The following CCDC171 variants were observed in gnomAD, a reference collection of about 807,000 sequenced individuals.
CCDC171 encodes the protein coiled-coil domain-containing protein 171.
In CCDC171, 177 loss-of-function variants were observed where a neutral mutation model predicts 168.2. The ratio of observed to expected loss-of-function variants is 1.05; its 90% CI spans 0.93 to 1.19. CCDC171 has a LOEUF of 1.19. Ranked by LOEUF, CCDC171 falls within the 50% of genes most tolerant of loss-of-function variation. CCDC171 has a pLI of 0.00. For synonymous variants in CCDC171, 687 were observed against 540.8 expected, an observed-to-expected ratio of 1.27 and a Z score of -3.75; for missense variants, 1,991 against 1,539.0, an observed-to-expected ratio of 1.29 and a Z score of -4.91.
At chr9:15,637,150 G>C (rs1240194455) in intron 7 of CCDC171, among the ~76,000 whole-genome samples, 1 of 152,070 alleles carries the variant, frequency 6.6e-6, no homozygotes, top group Non-Finnish European at 1.5e-5. Flanking sequence ...TAGCTGCTCT[G>C]GAGGCTGAGA....
intron 18 of CCDC171, among the ~76,000 whole-genome samples, chr9:15,750,022 C>G (rs552024955): frequency 7.0e-6 from 1 of 142,952 alleles, no homozygotes; most frequent in Non-Finnish European, 1.5e-5. Flanking sequence ...TAAAAAAAAT[C>G]AGTGAATCCA....
At chr9:15,686,569 G>A (rs1186204619) in intron 10 of CCDC171, among the ~76,000 whole-genome samples, 1 of 151,556 alleles carries the variant, frequency 6.6e-6, no homozygotes, top group Non-Finnish European at 1.5e-5. Flanking sequence ...GCAGAGGATG[G>A]AAAAAATATA....
At chr9:15,948,030 G>T (rs891255128) in intron 25 of CCDC171, among the ~76,000 whole-genome samples, 6 of 148,912 alleles carry the variant, frequency 4.0e-5, no homozygotes, top group Admixed American at 3.4e-4. Context: ...CTGTGTCCAT[G>T]TGTTCTCATT....
chr9:15,848,746 T>G, intron 22 of CCDC171, 147 bp from the exon 23 acceptor site: 2 of 443,882 alleles, frequency 4.5e-6, no homozygotes, highest in Non-Finnish European at 8.0e-6. Flanking sequence ...AAAATCAAAA[T>G]TTAAAAAGTT....
intron 23 of CCDC171, among the ~76,000 whole-genome samples, chr9:15,851,324 T>G (rs945337197): frequency 4.7e-5 from 7 of 149,494 alleles, no homozygotes; most frequent in Non-Finnish European, 1.0e-4. Context: ...AACATATAGT[T>G]TTTTTTCAAA....
At chr9:15,989,374 T>A (rs1466875098) in intron 3 of CCDC171, among the ~76,000 whole-genome samples, 2 of 152,022 alleles carry the variant, frequency 1.3e-5, no homozygotes, top group African/African-American at 4.8e-5. Context: ...GTCCTGACTG[T>A]TAGAAGGAAA....
At chr9:16,106,292 C>T in the CCDC171 span, among the ~76,000 whole-genome samples, 1 of 152,216 alleles carries the variant, frequency 6.6e-6, no homozygotes, top group Admixed American at 6.5e-5. Context: ...CAAAAGGCAG[C>T]TGTCATGGGG....
chr9:15,651,339 C>T (rs753477053), intron 7 of CCDC171, among the ~76,000 whole-genome samples: 2 of 151,904 alleles, frequency 1.3e-5, no homozygotes, highest in Non-Finnish European at 2.9e-5. Context: ...GAACTCCTGA[C>T]CTCAGGTGAT....
the CCDC171 span, among the ~76,000 whole-genome samples, chr9:16,076,630 G>T: frequency 5.3e-5 from 8 of 152,112 alleles, no homozygotes; most frequent in African/African-American, 1.7e-4. Context: ...GCACATCTTC[G>T]TGCTGGGTTT....
chr9:15,799,979 A>G (rs1022562347), intron 21 of CCDC171, among the ~76,000 whole-genome samples: 2 of 151,976 alleles, frequency 1.3e-5, no homozygotes, highest in East Asian at 1.9e-4. Context: ...GCTGCGTAAT[A>G]CTCTATTGTG....
chr9:15,637,507 T>C (rs1351924447), intron 7 of CCDC171, among the ~76,000 whole-genome samples: 13 of 152,096 alleles, frequency 8.5e-5, no homozygotes, highest in South Asian at 8.3e-4. Context: ...TTAGGGTACA[T>C]GTGCACAATA....
At chr9:15,562,396 C>T (rs182447833) in intron 1 of CCDC171, among the ~76,000 whole-genome samples, 8 of 152,174 alleles carry the variant, frequency 5.3e-5, no homozygotes, top group African/African-American at 1.4e-4. Flanking sequence ...TTCATCTTTG[C>T]TGTATTCTCC....
At chr9:15,657,603 A>G (rs908282612) in intron 8 of CCDC171, among the ~76,000 whole-genome samples, 6 of 152,168 alleles carry the variant, frequency 3.9e-5, no homozygotes, top group Admixed American at 3.3e-4. Context: ...AAAAATGTGC[A>G]TGTTATTTAT....
chr9:15,891,921 C>G (rs1393952798), intron 24 of CCDC171, among the ~76,000 whole-genome samples: 1 of 152,106 alleles, frequency 6.6e-6, no homozygotes, highest in Non-Finnish European at 1.5e-5. Flanking sequence ...TGCTGGGAGC[C>G]TATGGGACGC....
intron 25 of CCDC171, among the ~76,000 whole-genome samples, chr9:15,963,749 G>T (rs1348362275): frequency 1.3e-5 from 2 of 152,154 alleles, no homozygotes; most frequent in African/African-American, 4.8e-5. Flanking sequence ...ATCTGTACAT[G>T]AGGCAGAGGC....
chr9:16,022,168 A>G (rs1586838264), intron 4 of CCDC171, among the ~76,000 whole-genome samples: 1 of 152,244 alleles, frequency 6.6e-6, no homozygotes, highest in African/African-American at 2.4e-5. Flanking sequence ...TAGAATAGGC[A>G]TGGAACCCCA....
At chr9:15,982,327 A>T (rs1831824185) in intron 3 of CCDC171, among the ~76,000 whole-genome samples, 1 of 152,174 alleles carries the variant, frequency 6.6e-6, no homozygotes, top group South Asian at 2.1e-4. Flanking sequence ...GTGTGTCCTT[A>T]GGCAAGTTAT....
intron 25 of CCDC171, among the ~76,000 whole-genome samples, chr9:15,938,621 T>C (rs1827366855): frequency 6.6e-6 from 1 of 151,900 alleles, no homozygotes; most frequent in South Asian, 2.1e-4. Flanking sequence ...TTGGATATAT[T>C]GCATTTGTTC....
intron 1 of CCDC171, among the ~76,000 whole-genome samples, chr9:15,561,146 C>T (rs1173746953): frequency 1.3e-5 from 2 of 152,186 alleles, no homozygotes; most frequent in African/African-American, 4.8e-5. Flanking sequence ...ATCTTTAAGC[C>T]CTGGTTTCCT....
Sources: gnomAD v4.1 joint callset for allele counts (sites outside exome capture counted in the v4.1 genomes callset) on GRCh38, gnomAD v4.1.1 for gene constraint, MANE v1.5 for transcripts, NCBI Gene and HGNC (gene_info 2026-07-23, HGNC 2026-07-21) for gene names.